ROBO2: variants seen among roughly 807,000 people sequenced by gnomAD.
ROBO2 encodes roundabout homolog 2.
Under a neutral mutation model 160.8 loss-of-function variants are expected in ROBO2, and 53 were observed. The observed-to-expected ratio is 0.33, with a 90% CI of 0.26 to 0.41. The LOEUF is 0.41. Among genes scored for constraint, ROBO2 ranks in the 10% least tolerant of loss-of-function variants. The pLI is 1.00. For synonymous variants in ROBO2, 664 were observed against 611.7 expected (o/e 1.09, Z -1.26); for missense variants, 1,577 against 1,722.4 (o/e 0.92, Z 1.49).
intron 2 of ROBO2, among the ~76,000 whole-genome samples, chr3:77,295,875 C>T (rs1183449706): frequency 9.4e-4 from 98 of 104,520 alleles, no homozygotes; most frequent in African/African-American, 1.4e-3. Flanking sequence ...ACCCCAGACA[C>T]AAAGTAAAAT....
At chr3:77,357,536 G>T (rs11928845) in intron 2 of ROBO2, among the ~76,000 whole-genome samples, 1 of 151,938 alleles carries the variant, frequency 6.6e-6, no homozygotes, top group Non-Finnish European at 1.5e-5. Context: ...CCCAGTCTCA[G>T]GTATTCTATC....
intron 1 of ROBO2, among the ~76,000 whole-genome samples, chr3:77,056,302 A>G (rs1405314597): frequency 5.3e-5 from 8 of 152,170 alleles, no homozygotes; most frequent in African/African-American, 9.6e-5. Context: ...ACCGTTTGTT[A>G]AGGGAGGCAG....
chr3:76,095,246 GACTT>G (rs1179156107), intron 2 of ROBO2, among the ~76,000 whole-genome samples: 4 of 151,818 alleles, frequency 2.6e-5, no homozygotes, highest in African/African-American at 9.7e-5. Flanking sequence ...AGTAGTGAAA[GACTT>G]AATAGAAAAA....
chr3:77,646,983 G>A (rs780977365), exon 26 of ROBO2: 11 of 152,532 alleles, frequency 7.2e-5, no homozygotes, highest in Admixed American at 3.3e-4. Context: ...CTGAATTATC[G>A]TAATTAAGCT....
At chr3:76,933,599 C>T (rs913116009) in intron 2 of ROBO2, among the ~76,000 whole-genome samples, 1 of 152,146 alleles carries the variant, frequency 6.6e-6, no homozygotes, top group Non-Finnish European at 1.5e-5. Context: ...TTTCAGAAGT[C>T]TGCGTTGTAG....
intron 2 of ROBO2, among the ~76,000 whole-genome samples, chr3:77,185,237 G>A (rs2081173990): frequency 6.6e-6 from 1 of 151,946 alleles, no homozygotes; most frequent in East Asian, 1.9e-4. Context: ...ATAGTGGATA[G>A]GCATCTTAGA....
chr3:76,748,147 A>G (rs557646408), intron 2 of ROBO2, among the ~76,000 whole-genome samples: 2 of 152,114 alleles, frequency 1.3e-5, no homozygotes, highest in Non-Finnish European at 2.9e-5. Flanking sequence ...TTCAATCCAG[A>G]TAAATCGAAT....
intron 2 of ROBO2, among the ~76,000 whole-genome samples, chr3:76,525,100 C>A (rs2081878463): frequency 6.6e-6 from 1 of 151,566 alleles, no homozygotes; most frequent in East Asian, 1.9e-4. Flanking sequence ...GACTCTAAAC[C>A]CCTTAAGGGC....
intron 5 of ROBO2, among the ~76,000 whole-genome samples, chr3:77,494,629 T>G (rs1416102184): frequency 6.6e-6 from 1 of 152,178 alleles, no homozygotes; most frequent in East Asian, 1.9e-4. Flanking sequence ...CTTCGTTTCT[T>G]TCAACTGACT....
chr3:76,572,347 G>A (rs1369740136), intron 2 of ROBO2, among the ~76,000 whole-genome samples: 4 of 152,056 alleles, frequency 2.6e-5, no homozygotes, highest in Admixed American at 2.6e-4. Context: ...ACTTGTGCCT[G>A]AGGTAGGGTG....
chr3:76,769,590 C>A (rs1197982793), intron 2 of ROBO2, among the ~76,000 whole-genome samples: 1 of 151,420 alleles, frequency 6.6e-6, no homozygotes, highest in Non-Finnish European at 1.5e-5. Context: ...ATAGTCATTT[C>A]ATTTTAGTCA....
chr3:76,431,075 A>C (rs898138400), intron 2 of ROBO2, among the ~76,000 whole-genome samples: 2 of 152,104 alleles, frequency 1.3e-5, no homozygotes, highest in African/African-American at 4.8e-5. Flanking sequence ...GCAGTAGAAG[A>C]AACAGTTTAC....
intron 2 of ROBO2, among the ~76,000 whole-genome samples, chr3:76,085,701 C>T (rs2068989994): frequency 6.6e-6 from 1 of 152,076 alleles, no homozygotes; most frequent in African/African-American, 2.4e-5. Flanking sequence ...TGCACAGAAA[C>T]CCATCAGCAG....
At chr3:76,214,112 C>T (rs968360338) in intron 2 of ROBO2, among the ~76,000 whole-genome samples, 3 of 152,100 alleles carry the variant, frequency 2.0e-5, no homozygotes, top group Non-Finnish European at 4.4e-5. Context: ...ACAATCCACC[C>T]CTTGTCAATT....
chr3:77,204,427 G>A (rs1011398564), intron 2 of ROBO2, among the ~76,000 whole-genome samples: 2 of 152,018 alleles, frequency 1.3e-5, no homozygotes, highest in Admixed American at 6.6e-5. Flanking sequence ...TTAAGGTTCA[G>A]CTTTTTTTGT....
At chr3:77,176,934 G>A (rs1457464000) in intron 2 of ROBO2, among the ~76,000 whole-genome samples, 1 of 151,836 alleles carries the variant, frequency 6.6e-6, no homozygotes, top group African/African-American at 2.4e-5. Flanking sequence ...CAATAAAAAT[G>A]TTGAGTACTT....
intron 2 of ROBO2, among the ~76,000 whole-genome samples, chr3:77,337,227 T>C (rs1041080698): frequency 2.6e-5 from 4 of 152,188 alleles, no homozygotes; most frequent in African/African-American, 9.6e-5. Flanking sequence ...AATATCTTTT[T>C]GTTCTTTTAA....
intron 2 of ROBO2, among the ~76,000 whole-genome samples, chr3:76,109,457 C>T (rs78217555): frequency 0.044 from 6,703 of 152,016 alleles, 254 homozygotes; most frequent in African/African-American, 0.094. Flanking sequence ...AAAATATGCA[C>T]GGCAAAGCAG....
chr3:77,579,878 G>C, intron 15 of ROBO2, 69 bp from the exon 17 acceptor site: 1 of 1,370,776 alleles, frequency 7.3e-7, no homozygotes, highest in South Asian at 1.2e-5. Context: ...TATTTGATCA[G>C]TTACAGTAGT....
Sources: gnomAD v4.1 joint callset for allele counts (sites outside exome capture counted in the v4.1 genomes callset) on GRCh38, gnomAD v4.1.1 for gene constraint, MANE v1.5 for transcripts, NCBI Gene and HGNC (gene_info 2026-07-23, HGNC 2026-07-21) for gene names.